Variants in OTOGL observed in about 807,000 individuals in gnomAD.
The protein encoded by OTOGL is otogelin-like protein.
Under a neutral mutation model 318.5 loss-of-function variants are expected in OTOGL, and 285 were observed. The ratio of observed to expected loss-of-function variants is 0.89; its 90% CI spans 0.81 to 0.99. The LOEUF is 0.99. OTOGL is among the 50% of genes least tolerant of loss of function. The probability of loss-of-function intolerance (pLI) is 0.00; values close to 1 mark genes in which losing one functional copy is unlikely to be tolerated. For synonymous variants in OTOGL, 987 were observed against 936.5 expected, an observed-to-expected ratio of 1.05 and a Z score of -0.99; for missense variants, 2,899 against 2,845.6, an observed-to-expected ratio of 1.02 and a Z score of -0.43.
intron 1 of OTOGL, among the ~76,000 whole-genome samples, chr12:80,175,511 A>AC (rs1874467882): frequency 6.6e-6 from 1 of 152,212 alleles, no homozygotes; most frequent in African/African-American, 2.4e-5. Flanking sequence ...AGACTCTTAG[A>AC]TATTACAGAG....
intron 1 of OTOGL, among the ~76,000 whole-genome samples, chr12:80,109,992 A>G (rs1224325404): frequency 6.6e-6 from 1 of 151,936 alleles, no homozygotes; most frequent in East Asian, 1.9e-4. Flanking sequence ...GGTTTGTTAC[A>G]TAGGTATACA....
intron 55 of OTOGL, 93 bp downstream of exon 55, chr12:80,368,402 C>A: frequency 1.4e-6 from 1 of 727,864 alleles, no homozygotes; most frequent in Non-Finnish European, 2.3e-6. Flanking sequence ...ACACACACTG[C>A]ACTGCATACA....
chr12:80,135,474 C>A (rs549745606), intron 1 of OTOGL, among the ~76,000 whole-genome samples: 1 of 151,822 alleles, frequency 6.6e-6, no homozygotes, highest in Non-Finnish European at 1.5e-5. Flanking sequence ...AGTTTCACCA[C>A]GTTTGTCAGG....
chr12:80,276,975 T>C (rs1253742713), intron 24 of OTOGL, among the ~76,000 whole-genome samples: 1 of 151,376 alleles, frequency 6.6e-6, no homozygotes, highest in Non-Finnish European at 1.5e-5. Flanking sequence ...GAGGCAAGAA[T>C]TCAGGGTTCC....
chr12:80,190,588 C>A lies in OTOGL; in HGVS notation c.-19-18825C>A, dbSNP rs554963919. On this transcript the variant is annotated intron_variant, in intron 1 of 58. Transcript: ENST00000547103. ...GGATCACGAGGTCAGGAGATCGAGA[C>A]CATCCTGGCTAACACGGTGAAACCC... 2.1e-4 allele frequency among the ~76,000 whole-genome samples: 32 copies of A among 151,852 alleles called. 1 individual carries two copies. In the South Asian group the frequency reaches 6.0e-3, roughly 29 times the overall value.
intron 1 of OTOGL, among the ~76,000 whole-genome samples, chr12:80,182,297 C>G (rs546156247): frequency 6.6e-6 from 1 of 152,268 alleles, no homozygotes; most frequent in African/African-American, 2.4e-5. Context: ...TACGACTCAG[C>G]AAATGCAGCA....
chr12:80,116,378 A>G (rs886419636), intron 1 of OTOGL, among the ~76,000 whole-genome samples: 5 of 151,922 alleles, frequency 3.3e-5, no homozygotes, highest in Admixed American at 6.6e-5. Context: ...TGTGGGCTGC[A>G]TCCACTGTCT....
At chr12:80,168,446 G>T (rs939823122) in intron 1 of OTOGL, among the ~76,000 whole-genome samples, 13 of 151,996 alleles carry the variant, frequency 8.6e-5, no homozygotes, top group East Asian at 3.9e-4. Context: ...GCTATTTTTT[G>T]GGGGGATCAC....
chr12:80,253,331 C>A, intron 13 of OTOGL, 135 bp from the exon 14 acceptor site: 1 of 740,796 alleles, frequency 1.3e-6, no homozygotes, highest in Non-Finnish European at 2.2e-6. Flanking sequence ...TCAGTAATCC[C>A]ACTGAAAGTA....
chr12:80,299,456 T>C (rs1372491803), intron 27 of OTOGL, among the ~76,000 whole-genome samples: 1 of 152,166 alleles, frequency 6.6e-6, no homozygotes, highest in African/African-American at 2.4e-5. Flanking sequence ...TGTTAATGAA[T>C]CTCCTTTATA....
chr12:80,295,551 A>C (rs1396912568), intron 26 of OTOGL, among the ~76,000 whole-genome samples: 1 of 152,232 alleles, frequency 6.6e-6, no homozygotes, highest in Non-Finnish European at 1.5e-5. Flanking sequence ...AAAATGGAAA[A>C]GATTCAGGAA....
chr12:80,229,009 A>G (rs1295561287), intron 7 of OTOGL, among the ~76,000 whole-genome samples: 1 of 152,196 alleles, frequency 6.6e-6, no homozygotes, highest in East Asian at 1.9e-4. Flanking sequence ...GAGAATATTA[A>G]CATCCAACAT....
intron 1 of OTOGL, among the ~76,000 whole-genome samples, chr12:80,166,712 T>C (rs10862074): frequency 0.61 from 92,925 of 152,092 alleles, 28,555 homozygotes; most frequent in Admixed American, 0.68. Flanking sequence ...TCTCACTATA[T>C]TTACTGTAAC....
chr12:80,150,187 C>G (rs1294636109), intron 1 of OTOGL, among the ~76,000 whole-genome samples: 1 of 152,142 alleles, frequency 6.6e-6, no homozygotes, highest in African/African-American at 2.4e-5. Flanking sequence ...GGTCCTGTTC[C>G]CTGGAAATCT....
At chr12:80,356,088 A>T in intron 47 of OTOGL, 140 bp downstream of exon 47, 1 of 961,620 alleles carries the variant, frequency 1.0e-6, no homozygotes, top group Non-Finnish European at 1.6e-6. Flanking sequence ...GTTTTGTTTC[A>T]TTACAATTCT....
chr12:80,375,257 A>C (rs1183197605), intron 57 of OTOGL, among the ~76,000 whole-genome samples: 5 of 152,158 alleles, frequency 3.3e-5, no homozygotes, highest in Admixed American at 2.6e-4. Context: ...ATGAATTAGA[A>C]ATGACTCTTG....
chr12:80,310,638 C>T lies in OTOGL; in HGVS notation c.3361C>T (p.Pro1121Ser), dbSNP rs768918570. ...TGAAAGTCCAGATGAAACAATTAAA[C>T]CCTGTGAGGCACATCAAAACAAATT... ...QCESPDETIK[P>S]CEAHQNKFPY... Residue 1121 changes from proline to serine, a missense_variant, in exon 30 of 59, where the codon CCC (proline) becomes TCC (serine). Physicochemically the swap from Pro to Ser is moderately conservative, Grantham distance 74. Coordinates refer to ENST00000547103, the MANE Select transcript of OTOGL (RefSeq NM_001378609.3). 9.6e-5 allele frequency: 153 copies of T among 1,594,068 alleles called. No homozygotes were observed. The highest frequency in any genetic ancestry group is 1.2e-4 in the Non-Finnish European group (141 of 1,175,078).
chr12:80,260,646 A>G (rs1159270630), intron 18 of OTOGL, among the ~76,000 whole-genome samples: 1 of 152,186 alleles, frequency 6.6e-6, no homozygotes, highest in Non-Finnish European at 1.5e-5. Flanking sequence ...CATATTTTGT[A>G]TGCCTTATTA....
At chr12:80,260,670 A>C (rs761918874) in intron 18 of OTOGL, among the ~76,000 whole-genome samples, 15 of 152,186 alleles carry the variant, frequency 9.9e-5, no homozygotes, top group Non-Finnish European at 1.5e-4. Context: ...TAAGTTGACT[A>C]TGGTGAGCTG....
Sources: gnomAD v4.1 joint callset for allele counts (sites outside exome capture counted in the v4.1 genomes callset) on GRCh38, gnomAD v4.1.1 for gene constraint, MANE v1.5 for transcripts, NCBI Gene and HGNC (gene_info 2026-07-23, HGNC 2026-07-21) for gene names.